ZNF775: variants seen among roughly 807,000 people sequenced by gnomAD.
ZNF775 encodes the protein zinc finger protein 775.
In ZNF775, 1 loss-of-function variant was observed where a neutral mutation model predicts 2.4. That is an observed-to-expected ratio of 0.41 (90% CI 0.15 to 1.94). ZNF775 has a LOEUF of 1.94. Among genes scored for constraint, ZNF775 ranks in the 30% most tolerant of loss-of-function variants. ZNF775 has a pLI of 0.30. For synonymous variants in ZNF775, 381 were observed against 373.3 expected, an observed-to-expected ratio of 1.02 and a Z score of -0.24; for missense variants, 823 against 826.6, an observed-to-expected ratio of 1.00 and a Z score of 0.05.
chr7:150,389,806 C>T (rs892761735), intron 2 of ZNF775, among the ~76,000 whole-genome samples: 1 of 151,674 alleles, frequency 6.6e-6, no homozygotes, highest in Non-Finnish European at 1.5e-5. Flanking sequence ...TGGAGGACCC[C>T]GTTTTTCAGA....
In ZNF775 at chr7:150,397,121, G is replaced by T. The variant is rs1361267799; in HGVS notation, c.640G>T (p.Ala214Ser). Reference sequence around the variant, plus strand: ...CCTCCGCATCCACCAGCGCGCGCACGCCCGGGACCGCCAGGGCTCCCGCGC... The same window carrying T: ...CCTCCGCATCCACCAGCGCGCGCACTCCCGGGACCGCCAGGGCTCCCGCGC... ...VGLRIHQRAH[A>S]RDRQGSRAGL... The change falls in exon 3 of 3, where the codon GCC (alanine) becomes TCC (serine). Residue 214 changes from alanine to serine, a missense_variant. Coordinates refer to ENST00000329630, the MANE Select transcript of ZNF775 (RefSeq NM_173680.4). 16 of 1,515,850 alleles carry T rather than the reference G, an allele frequency of 1.1e-5. No homozygotes were observed. The highest frequency in any genetic ancestry group is 1.4e-5 in the Non-Finnish European group (16 of 1,141,096). The allele number at this position is 1,515,850 out of a possible 1,614,324, so 93.9% of individuals were successfully genotyped here. A position where few individuals can be genotyped will look rare whatever the true frequency, so the allele number is the denominator to read the frequency against.
rs1292698631 is a variant in ZNF775 at position 150,396,667 on chromosome 7, C to T, written c.186C>T (p.Ala62=). Residue 62 remains alanine (A), a synonymous_variant, in exon 3 of 3, where the codon GCC becomes GCT. Coordinates refer to ENST00000329630, the MANE Select transcript of ZNF775 (RefSeq NM_173680.4). ...GCCAGACCATGGGGCGGCCTCGAGCCCTGGGGGGACAGGAGGAGTCTGGGA... is the reference window on the plus strand; with the variant it reads ...GCCAGACCATGGGGCGGCCTCGAGCTCTGGGGGGACAGGAGGAGTCTGGGA... ...PPRQTMGRPR[A]LGGQEESGSP... 1 of 1,610,244 alleles carries T rather than the reference C, an allele frequency of 6.2e-7. No homozygotes were observed. Among genetic ancestry groups the T allele is most frequent in the Non-Finnish European group, 8.5e-7 (1 of 1,179,080 alleles).
chr7:150,391,313 G>A (rs922735888), intron 2 of ZNF775, among the ~76,000 whole-genome samples: 22 of 152,158 alleles, frequency 1.4e-4, no homozygotes, highest in African/African-American at 4.8e-4. Flanking sequence ...TTTGAGACCC[G>A]CCTGGCCAAC....
In ZNF775 at chr7:150,396,597, A is replaced by G. The variant is rs1217078067; in HGVS notation, c.116A>G (p.Lys39Arg). The G allele has an allele frequency of 1.1e-5, 17 of 1,610,584 alleles. No homozygotes were observed. The South Asian group carries it at 1.8e-4, about 17-fold the overall frequency. ...GCGCCGCAGGCCATGCTTGTGGAGA[A>G]GGACAAGGAGAACATATTTCAGCAG... is the stretch of plus-strand genomic sequence containing the variant. ...TLAPQAMLVE[K>R]DKENIFQQHR... The change falls in exon 3 of 3, where the codon AAG (lysine) becomes AGG (arginine). Residue 39 changes from lysine to arginine, a missense_variant. Physicochemically the swap from Lys to Arg is conservative, Grantham distance 26. Coordinates refer to ENST00000329630, the MANE Select transcript of ZNF775 (RefSeq NM_173680.4).
intron 1 of ZNF775, among the ~76,000 whole-genome samples, chr7:150,380,618 C>T (rs116789476): frequency 2.3e-3 from 351 of 152,154 alleles, no homozygotes; most frequent in African/African-American, 7.9e-3. Flanking sequence ...GAGGATGGGG[C>T]GTGTCGGGGT....
chr7:150,392,711 T>A (rs1196920936), intron 2 of ZNF775, among the ~76,000 whole-genome samples: 1 of 152,142 alleles, frequency 6.6e-6, no homozygotes, highest in African/African-American at 2.4e-5. Context: ...TTTAATAAAT[T>A]TTTTATACAG....
rs1192370933 is a variant in ZNF775 at position 150,382,506 on chromosome 7, G to A, written c.-50+3114G>A. Among the ~76,000 whole-genome samples the A allele has an allele frequency of 6.6e-6, 1 of 152,190 alleles. No homozygotes were observed. Among genetic ancestry groups the A allele is most frequent in the East Asian group, 1.9e-4 (1 of 5,192 alleles). On this transcript the variant is annotated intron_variant, in intron 1 of 2. Coordinates refer to ENST00000329630, the MANE Select transcript of ZNF775 (RefSeq NM_173680.4). This position sits in a 1 kb window ranked among gnomAD's most constrained non-coding sequence, Gnocchi z 4.6. ...GGACCAGGAAGGGTGGCCTTGAGAA[G>A]GACATCCCTGCCAGCCTCAGGCAGT...
In ZNF775 at chr7:150,397,569, C is replaced by T; in HGVS notation, c.1088C>T (p.Ala363Val). The part of the protein sequence containing the change: ...LKHLRTHLPG[A>V]QAAPCPSCGK... ...CACCTGCGCACGCACCTGCCCGGCG[C>T]CCAGGCTGCGCCCTGCCCCAGCTGC... The change falls in exon 3 of 3, where the codon GCC (alanine) becomes GTC (valine). Residue 363 changes from alanine to valine, a missense_variant. Ala to Val is a moderately conservative substitution (Grantham distance 64, BLOSUM62 0). Coordinates refer to ENST00000329630, the MANE Select transcript of ZNF775 (RefSeq NM_173680.4). 2.7e-6 allele frequency: 4 copies of T among 1,508,938 alleles called. No individual in the cohort carries two copies. Among genetic ancestry groups the T allele is most frequent in the Non-Finnish European group, 3.5e-6 (4 of 1,135,848 alleles). The allele number at this position is 1,508,938 out of a possible 1,614,324, so 93.5% of individuals were successfully genotyped here.
At chr7:150,393,524 C>G (rs538957523) in intron 2 of ZNF775, among the ~76,000 whole-genome samples, 2 of 152,268 alleles carry the variant, frequency 1.3e-5, no homozygotes, top group African/African-American at 4.8e-5. Context: ...CTGTATTTAG[C>G]TTTGTAAGAA....
Position 150,382,963 on chromosome 7 carries a change from T to C in ZNF775, c.-50+3571T>C, listed in dbSNP as rs1160250890. On this transcript the variant is annotated intron_variant, in intron 1 of 2. Coordinates refer to ENST00000329630, the MANE Select transcript of ZNF775 (RefSeq NM_173680.4). The surrounding 1 kb of genome is among the most constrained non-coding windows in gnomAD (Gnocchi z 4.6). Reference sequence around the variant, plus strand: ...TGTTCCTAAGTGTGCTGTGCAGTGATTCGTGCTGCCCTGGTTCACAGTGGC... The same window carrying C: ...TGTTCCTAAGTGTGCTGTGCAGTGACTCGTGCTGCCCTGGTTCACAGTGGC... 6.6e-6 allele frequency: 1 copy of C among 152,428 alleles called. No individual in the cohort carries two copies. Among genetic ancestry groups the C allele is most frequent in the Non-Finnish European group, 1.5e-5 (1 of 68,138 alleles). The allele number at this position is 152,428 out of a possible 1,614,324, so 9.4% of individuals were successfully genotyped here.
intron 1 of ZNF775, among the ~76,000 whole-genome samples, chr7:150,386,721 C>T (rs1487665065): frequency 3.3e-5 from 5 of 152,272 alleles, no homozygotes; most frequent in Middle Eastern, 3.4e-3. Flanking sequence ...TACAGGTGCA[C>T]GGGACCACAT....
At position 150,396,650 on chromosome 7, in the gene ZNF775, A is replaced by T. The variant is rs1373699118; in HGVS notation, c.169A>T (p.Met57Leu). The change falls in exon 3 of 3, where the codon ATG becomes TTG. Residue 57 changes from methionine to leucine, a missense_variant. Transcript: ENST00000329630. ...QHRGLPPRQT[M>L]GRPRALGGQE... ...CCGGGGCCTCCCGCCACGCCAGACC[A>T]TGGGGCGGCCTCGAGCCCTGGGGGG... The T allele has an allele frequency of 2.5e-6, 4 of 1,611,722 alleles. No individual in the cohort carries two copies. The South Asian group carries it at 4.4e-5, about 18-fold the overall frequency.
intron 1 of ZNF775, chr7:150,383,891 T>C (rs1800405422): frequency 6.6e-6 from 1 of 152,474 alleles, no homozygotes; most frequent in African/African-American, 2.4e-5. Context: ...GGGGCGGCGA[T>C]GGGGAGGACC....
At position 150,398,128 on chromosome 7, in the gene ZNF775, G is replaced by A. The variant is rs1307285567; in HGVS notation, c.*33G>A. The A allele has an allele frequency of 2.0e-6, 3 of 1,533,508 alleles. No individual in the cohort carries two copies. The highest frequency in any genetic ancestry group is 1.7e-6 in the Non-Finnish European group (2 of 1,145,548). 95.0% of individuals were successfully genotyped at this position (1,533,508 alleles called of 1,614,324 possible). ...GACCTCAGCGGACCCGTGGTGGTGCGGGGGATGTTTGCGGGGTGTGTGTGG... is the reference window on the plus strand; with the variant it reads ...GACCTCAGCGGACCCGTGGTGGTGCAGGGGATGTTTGCGGGGTGTGTGTGG... On this transcript the variant is annotated 3_prime_UTR_variant, in exon 3 of 3. Coordinates refer to ENST00000329630, the MANE Select transcript of ZNF775 (RefSeq NM_173680.4).
chr7:150,398,230 G>A lies in ZNF775; in HGVS notation c.*135G>A. ...CGGTGGATTCCTTAAGGCTCTGAAG[G>A]GCTGAGAACAGTTCTAGAAGCGTCC... On this transcript the variant is annotated 3_prime_UTR_variant, in exon 3 of 3. Coordinates refer to ENST00000329630, the MANE Select transcript of ZNF775 (RefSeq NM_173680.4). 7.3e-7 allele frequency: 1 copy of A among 1,367,562 alleles called. No homozygotes were observed. Among genetic ancestry groups the A allele is most frequent in the African/African-American group, 1.5e-5 (1 of 68,040 alleles). The allele number at this position is 1,367,562 out of a possible 1,614,324, so 84.7% of individuals were successfully genotyped here.
rs1800374992 is a variant in ZNF775 at position 150,382,136 on chromosome 7, G to A, written c.-50+2744G>A. ...CAGACAGTGCCACAACCAGAGCCGT[G>A]GCAAACCCTCTTCCTCCTGCATGGT... On this transcript the variant is annotated intron_variant, in intron 1 of 2. Transcript: ENST00000329630. This position sits in a 1 kb window ranked among gnomAD's most constrained non-coding sequence, Gnocchi z 4.6. Among the ~76,000 whole-genome samples the A allele has an allele frequency of 6.6e-6, 1 of 152,122 alleles. No individual in the cohort carries two copies. The highest frequency in any genetic ancestry group is 1.5e-5 in the Non-Finnish European group (1 of 68,026).
intron 2 of ZNF775, among the ~76,000 whole-genome samples, chr7:150,390,066 A>G (rs1205804989): frequency 6.6e-6 from 1 of 152,162 alleles, no homozygotes. Flanking sequence ...CTCATGGAGC[A>G]ATAATCTGTG....
At chr7:150,388,562 TTATCTTTTCTAAAGCCAG>T in intron 2 of ZNF775, 61 bp downstream of exon 2, 1 of 1,543,680 alleles carries the variant, frequency 6.5e-7, no homozygotes, top group East Asian at 2.4e-5. Context: ...TCACGTGCCC[TTATCTTTTCTAAAGCCAG>T]GCGCGAGCCA....
chr7:150,380,305 A>G (rs778105421), intron 1 of ZNF775: 1 of 152,208 alleles, frequency 6.6e-6, no homozygotes, highest in Non-Finnish European at 1.5e-5. Flanking sequence ...CCCTTATGAC[A>G]GTTTTTATTA....
Sources: gnomAD v4.1 joint callset for allele counts (sites outside exome capture counted in the v4.1 genomes callset) on GRCh38, gnomAD v4.1.1 for gene constraint, Gnocchi (gnomAD v3.1) non-coding constraint, MANE v1.5 for transcripts, NCBI Gene and HGNC (gene_info 2026-07-23, HGNC 2026-07-21) for gene names.